The following ACTN2 variants were observed in gnomAD, a reference collection of about 807,000 sequenced individuals.
ACTN2 encodes the protein alpha-actinin-2.
A neutral mutation model predicts 113.8 loss-of-function variants in ACTN2; 39 were observed. The ratio of observed to expected loss-of-function variants is 0.34; its 90% CI spans 0.27 to 0.45. The LOEUF is 0.45. Ranked by LOEUF, ACTN2 falls within the 20% of genes least tolerant of loss-of-function variation. The pLI, the probability that ACTN2 is intolerant of heterozygous loss-of-function variation, is 1.00. For missense variants in ACTN2, 992 were observed against 1,177.9 expected, an observed-to-expected ratio of 0.84 and a Z score of 2.31; for synonymous variants, 429 against 444.1, an observed-to-expected ratio of 0.97 and a Z score of 0.43.
chr1:236,724,211 A>G (rs755266745), intron 4 of ACTN2, among the ~76,000 whole-genome samples: 5 of 152,180 alleles, frequency 3.3e-5, no homozygotes, highest in South Asian at 4.1e-4. Context: ...GAACCTGCCA[A>G]TGAGCAGGCT....
In ACTN2 at chr1:236,762,742, C is replaced by T. The variant is rs369096287; in HGVS notation, c.*123C>T. On this transcript the variant is annotated 3_prime_UTR_variant, in exon 21 of 21. Coordinates refer to ENST00000366578, the MANE Select transcript of ACTN2 (RefSeq NM_001103.4). ...AGAGAGAGAGGGGAAAAAAAAAAGCCTTTCGTAGTTCAGTAATTGCCAGCA... is the reference window on the plus strand; with the variant it reads ...AGAGAGAGAGGGGAAAAAAAAAAGCTTTTCGTAGTTCAGTAATTGCCAGCA... 3.9e-6 allele frequency: 5 copies of T among 1,287,868 alleles called. No individual in the cohort carries two copies. In the African/African-American group the frequency reaches 4.4e-5, roughly 11 times the overall value. 79.8% of individuals were successfully genotyped at this position (1,287,868 alleles called of 1,614,324 possible).
intron 1 of ACTN2, among the ~76,000 whole-genome samples, chr1:236,716,797 A>G (rs114745517): frequency 7.8e-4 from 116 of 148,250 alleles, no homozygotes; most frequent in Admixed American, 2.1e-3. Flanking sequence ...GCTACACAAT[A>G]TCACCCACCC....
chr1:236,720,243 G>A, intron 4 of ACTN2, 52 bp downstream of exon 4: 1 of 1,431,772 alleles, frequency 7.0e-7, no homozygotes. Context: ...TTGAGCTTGT[G>A]AATTAAAATT....
chr1:236,715,263 C>G (rs912383734), intron 1 of ACTN2, among the ~76,000 whole-genome samples: 24 of 149,974 alleles, frequency 1.6e-4, no homozygotes, highest in Non-Finnish European at 3.1e-4. Flanking sequence ...CCTATTAACT[C>G]GTCATTTAAC....
At position 236,686,721 on chromosome 1, in the gene ACTN2, G is replaced by A. The variant is rs397516580; in HGVS notation, c.48G>A (p.Glu16=). 10 of 1,568,196 alleles carry A rather than the reference G, an allele frequency of 6.4e-6. No homozygotes were observed. The African/African-American group carries it at 1.4e-4, about 22-fold the overall frequency. Residue 16 remains glutamate, a synonymous_variant, in exon 1 of 21, where the codon GAG becomes GAA. Coordinates refer to ENST00000366578, the MANE Select transcript of ACTN2 (RefSeq NM_001103.4). The stretch of plus-strand genomic sequence containing the variant: ...TGCAGTACAACTACGTGTACGACGA[G>A]GATGAGTACATGATCCAGGAGGAGG... ...PGVQYNYVYD[E]DEYMIQEEEW... is the part of the protein sequence containing the mutation.
At position 236,739,499 on chromosome 1, in the gene ACTN2, T is replaced by C; in HGVS notation, c.1074T>C (p.Pro358=). The C allele has an allele frequency of 6.2e-7, 1 of 1,614,102 alleles. No homozygotes were observed. The highest frequency in any genetic ancestry group is 8.5e-7 in the Non-Finnish European group (1 of 1,179,968). The part of the protein sequence containing the change: ...LQTKLRISNR[P]AFMPSEGKMV... ...CCAAGCTGCGGATCAGCAACCGTCCTGCCTTCATGCCCTCCGAGGGCAAGA... is the reference window on the plus strand; with the variant it reads ...CCAAGCTGCGGATCAGCAACCGTCCCGCCTTCATGCCCTCCGAGGGCAAGA... The change falls in exon 10 of 21, where the codon CCT becomes CCC. Residue 358 remains proline (P), a synonymous_variant. Transcript: ENST00000366578.
At chr1:236,711,590 TCCAC>T (rs1312493885) in intron 1 of ACTN2, among the ~76,000 whole-genome samples, 8 of 152,200 alleles carry the variant, frequency 5.3e-5, no homozygotes, top group Non-Finnish European at 7.3e-5. Context: ...CCTCAAGTGA[TCCAC>T]CCACCTTGGC....
intron 7 of ACTN2, among the ~76,000 whole-genome samples, chr1:236,733,671 C>T (rs768700829): frequency 5.3e-5 from 8 of 152,196 alleles, no homozygotes; most frequent in Non-Finnish European, 1.2e-4. Context: ...GCCACGCATT[C>T]CCTGTATTCC....
rs371365022 is a variant in ACTN2 at position 236,745,974 on chromosome 1, T to C, written c.1406+1198T>C. On this transcript the variant is annotated intron_variant, in intron 12 of 20. Coordinates refer to ENST00000366578, the MANE Select transcript of ACTN2 (RefSeq NM_001103.4). ...GTCAGGAGATCAAGACCATCCTGGC[T>C]AACACGGTGAAACCCCGTATCTACT... 1.2e-4 allele frequency among the ~76,000 whole-genome samples: 18 copies of C among 151,884 alleles called. No individual in the cohort carries two copies. The South Asian group carries it at 3.5e-3, about 30-fold the overall frequency.
At position 236,729,146 on chromosome 1, in the gene ACTN2, G is replaced by C. The variant is rs183713954; in HGVS notation, c.615+1390G>C. 8.2e-4 allele frequency among the ~76,000 whole-genome samples: 125 copies of C among 152,118 alleles called. 1 individual carries two copies. The highest frequency in any genetic ancestry group is 3.0e-3 in the African/African-American group (123 of 41,544). Reference sequence around the variant, plus strand: ...AAATTAGCTAGGCGTGGTGGCAGGTGAAACCCTGCCTCTTCTAAAAATGCA... The same window carrying C: ...AAATTAGCTAGGCGTGGTGGCAGGTCAAACCCTGCCTCTTCTAAAAATGCA... On this transcript the variant is annotated intron_variant, in intron 6 of 20. Coordinates refer to ENST00000366578, the MANE Select transcript of ACTN2 (RefSeq NM_001103.4).
chr1:236,761,750 TCAATTTGGGACAGGA>T (rs2102952708), intron 20 of ACTN2, among the ~76,000 whole-genome samples: 1 of 152,234 alleles, frequency 6.6e-6, no homozygotes, highest in African/African-American at 2.4e-5. Context: ...ATGTATAAAT[TCAATTTGGGACAGGA>T]TTATTTTACC....
At position 236,739,344 on chromosome 1, in the gene ACTN2, CG is replaced by C; in HGVS notation, c.921del (p.Thr308LeufsTer127). On this transcript the variant is annotated frameshift_variant, in exon 10 of 21. Transcript: ENST00000366578. LOFTEE classifies it high-confidence loss of function. ...IRRTIPWLENRTPEKTMQAMQ... is the reference protein window; with the variant it reads ...IRRTIPWLENXTPEKTMQAMQ... ...TCGCACGATCCCCTGGCTGGAGAAC[CG>C]GACTCCCGAGAAGACCATGCAAGCC... The C allele has an allele frequency of 6.2e-7, 1 of 1,614,016 alleles. No homozygotes were observed.
At chr1:236,750,020 C>A (rs1659351265) in intron 14 of ACTN2, among the ~76,000 whole-genome samples, 1 of 152,128 alleles carries the variant, frequency 6.6e-6, no homozygotes, top group Admixed American at 6.5e-5. Context: ...CAGCACCTAC[C>A]TTTTGCCTAC....
At chr1:236,737,843 A>G (rs1658937671) in intron 9 of ACTN2, among the ~76,000 whole-genome samples, 1 of 152,152 alleles carries the variant, frequency 6.6e-6, no homozygotes, top group Non-Finnish European at 1.5e-5. Flanking sequence ...TTGTTATAGC[A>G]TACGTAGCGA....
chr1:236,690,620 A>G (rs754887284), intron 1 of ACTN2, among the ~76,000 whole-genome samples: 48 of 152,202 alleles, frequency 3.2e-4, no homozygotes, highest in Admixed American at 7.2e-4. Context: ...TTGTAAAGTG[A>G]TCTGTAAATG....
rs16834301 is a variant in ACTN2, at chr1:236,734,567, T to C, written c.698-1068T>C. ...CTGCTCACCCTTCACCTTCTGTGTC[T>C]TAATTTTTTTTCAATTGTTTTCCTC... On this transcript the variant is annotated intron_variant, in intron 7 of 20. Coordinates refer to ENST00000366578, the MANE Select transcript of ACTN2 (RefSeq NM_001103.4). 75,319 of 1,370,668 alleles carry C rather than the reference T, an allele frequency of 0.055. 4,391 individuals carry two copies. Among genetic ancestry groups the C allele is most frequent in the East Asian group, 0.23 (9,048 of 39,702 alleles). The allele number at this position is 1,370,668 out of a possible 1,614,324, so 84.9% of individuals were successfully genotyped here.
At chr1:236,715,339 TAC>T (rs1658160296) in intron 1 of ACTN2, among the ~76,000 whole-genome samples, 1 of 136,520 alleles carries the variant, frequency 7.3e-6, no homozygotes, top group Admixed American at 7.6e-5. Flanking sequence ...TGAAGTTTTA[TAC>T]CAAAGAAACC....
chr1:236,763,064 T>TG lies in ACTN2; in HGVS notation c.*446dup, dbSNP rs1467785930. 2 of 262,852 alleles carry TG rather than the reference T, an allele frequency of 7.6e-6. No individual in the cohort carries two copies. Among genetic ancestry groups the TG allele is most frequent in the Non-Finnish European group, 1.5e-5 (2 of 131,270 alleles). The allele number at this position is 262,852 out of a possible 1,614,324, so 16.3% of individuals were successfully genotyped here. A position where few individuals can be genotyped will look rare whatever the true frequency, so the allele number is the denominator to read the frequency against. ...TTTATCTCTAATATGCTTATGTGATTGCCCCTAGGGGAGTATATTTGGGAT... is the reference window on the plus strand; with the variant it reads ...TTTATCTCTAATATGCTTATGTGATTGGCCCCTAGGGGAGTATATTTGGGAT... On this transcript the variant is annotated 3_prime_UTR_variant, in exon 21 of 21. Transcript: ENST00000366578.
intron 1 of ACTN2, among the ~76,000 whole-genome samples, chr1:236,689,338 T>TATACAC (rs1439126100): frequency 1.2e-3 from 48 of 41,186 alleles, no homozygotes; most frequent in African/African-American, 2.0e-3. Context: ...TATATATATA[T>TATACAC]ACACACACAT....
Sources: gnomAD v4.1 joint callset for allele counts (sites outside exome capture counted in the v4.1 genomes callset) on GRCh38, gnomAD v4.1.1 for gene constraint, MANE v1.5 for transcripts, NCBI Gene and HGNC (gene_info 2026-07-23, HGNC 2026-07-21) for gene names.